The following TENM1 variants were observed in gnomAD, a reference collection of about 807,000 sequenced individuals.
TENM1 encodes teneurin-1.
TENM1 carries 35 observed loss-of-function variants against 174.8 expected under a neutral mutation model. The observed-to-expected ratio is 0.20, with a 90% CI of 0.15 to 0.27. The LOEUF is 0.27. TENM1 is among the 10% of genes least tolerant of loss of function. The probability of loss-of-function intolerance (pLI) is 1.00; values close to 1 mark genes in which losing one functional copy is unlikely to be tolerated. For missense variants in TENM1, 1,633 were observed against 2,130.1 expected (o/e 0.77, Z 4.59); for synonymous variants, 781 against 798.7 (o/e 0.98, Z 0.37).
intron 3 of TENM1, among the ~76,000 whole-genome samples, chrX:124,775,918 T>C (rs1340734166): frequency 1.8e-5 from 2 of 111,722 alleles, no homozygotes; most frequent in African/African-American, 3.3e-5. Context: ...TGGGGCCTAC[T>C]GTGGGAATTG....
chrX:125,092,539 C>T, the TENM1 span, among the ~76,000 whole-genome samples: 1 of 111,388 alleles, frequency 9.0e-6, no homozygotes, highest in East Asian at 2.8e-4. Flanking sequence ...TAAAATGCAA[C>T]AGTAGATGTG....
chrX:125,086,435 C>A, the TENM1 span, among the ~76,000 whole-genome samples: 1 of 110,629 alleles, frequency 9.0e-6, no homozygotes, highest in South Asian at 3.8e-4. Context: ...TTTTAATATT[C>A]AGACATCCTA....
intron 14 of TENM1, among the ~76,000 whole-genome samples, chrX:124,555,931 A>T (rs1430439007): frequency 8.9e-6 from 1 of 112,124 alleles, no homozygotes; most frequent in Non-Finnish European, 1.9e-5. Context: ...CTGAAAAATT[A>T]AAGTCAAGCA....
chrX:125,147,052 GTGTATATA>G, the TENM1 span, among the ~76,000 whole-genome samples: 4 of 108,608 alleles, frequency 3.7e-5, no homozygotes, highest in Non-Finnish European at 7.6e-5. Flanking sequence ...GTGTCTGTGT[GTGTATATA>G]TATCTTATTT....
intron 22 of TENM1, among the ~76,000 whole-genome samples, chrX:124,453,705 G>A (rs925596475): frequency 9.0e-6 from 1 of 111,599 alleles, no homozygotes; most frequent in Non-Finnish European, 1.9e-5. Flanking sequence ...AGTCACACGC[G>A]GAGATAAAGC....
At chrX:124,506,904 C>T (rs1028053151) in intron 18 of TENM1, among the ~76,000 whole-genome samples, 2 of 111,712 alleles carry the variant, frequency 1.8e-5, no homozygotes, top group Admixed American at 9.6e-5. Context: ...AAAGGTTACA[C>T]TGCAGCTGGC....
chrX:124,849,090 A>G (rs903155197), intron 3 of TENM1, among the ~76,000 whole-genome samples: 2 of 111,589 alleles, frequency 1.8e-5, no homozygotes, highest in African/African-American at 6.5e-5. Flanking sequence ...AGAGTCATAG[A>G]TTCAGGAAAA....
At chrX:124,893,575 G>A (rs2057510365) in intron 3 of TENM1, among the ~76,000 whole-genome samples, 1 of 111,879 alleles carries the variant, frequency 8.9e-6, no homozygotes, top group Admixed American at 9.5e-5. Context: ...ACTGCCCTGT[G>A]GTGGGATGCT....
chrX:124,852,968 G>T (rs1760257451), intron 3 of TENM1, among the ~76,000 whole-genome samples: 1 of 111,676 alleles, frequency 9.0e-6, no homozygotes, highest in Admixed American at 9.5e-5. Flanking sequence ...TCTCAACGAT[G>T]ATCTTTAGGA....
chrX:125,033,836 T>C, the TENM1 span, among the ~76,000 whole-genome samples: 3 of 111,858 alleles, frequency 2.7e-5, no homozygotes, highest in Non-Finnish European at 5.6e-5. Context: ...TAACCAAATG[T>C]TATTCATCTG....
At chrX:124,731,767 G>C (rs2053570407) in intron 4 of TENM1, among the ~76,000 whole-genome samples, 1 of 111,970 alleles carries the variant, frequency 8.9e-6, no homozygotes, top group South Asian at 3.7e-4. Context: ...ATGGTTATTA[G>C]ATTGGAAGAT....
chrX:124,861,120 C>T (rs113104281), intron 3 of TENM1, among the ~76,000 whole-genome samples: 5 of 112,186 alleles, frequency 4.5e-5, no homozygotes, highest in African/African-American at 1.6e-4. Context: ...TATCCTATAA[C>T]ATCCAGAAAT....
At chrX:124,710,805 G>GTGAACCA (rs1207289207) in intron 4 of TENM1, among the ~76,000 whole-genome samples, 1 of 112,091 alleles carries the variant, frequency 8.9e-6, no homozygotes, top group Admixed American at 9.5e-5. Flanking sequence ...GTACTTTGTT[G>GTGAACCA]TGAACCATGA....
chrX:124,772,426 T>C (rs1274689525), intron 3 of TENM1, among the ~76,000 whole-genome samples: 1 of 112,224 alleles, frequency 8.9e-6, no homozygotes, highest in Non-Finnish European at 1.9e-5. Context: ...TGAGCCACCG[T>C]TCCCTGTCCC....
At chrX:125,107,438 C>A in the TENM1 span, among the ~76,000 whole-genome samples, 1 of 112,238 alleles carries the variant, frequency 8.9e-6, no homozygotes, top group Non-Finnish European at 1.9e-5. Context: ...TAAAACACAA[C>A]ATTTATACTT....
chrX:124,481,536 T>C (rs1411276329), intron 22 of TENM1, among the ~76,000 whole-genome samples, 196 bp downstream of exon 25: 1 of 109,332 alleles, frequency 9.1e-6, no homozygotes, highest in African/African-American at 3.3e-5. Context: ...CTAATGAATA[T>C]TGGCTAAAAA....
intron 11 of TENM1, among the ~76,000 whole-genome samples, chrX:124,614,378 A>G (rs1280623564): frequency 1.8e-5 from 2 of 112,126 alleles, no homozygotes; most frequent in Non-Finnish European, 3.8e-5. Flanking sequence ...CATTGCACCT[A>G]AGAAGTTAAT....
At chrX:125,197,325 T>C in the TENM1 span, among the ~76,000 whole-genome samples, 1 of 111,783 alleles carries the variant, frequency 8.9e-6, no homozygotes, top group Non-Finnish European at 1.9e-5. Context: ...CCTGAATACT[T>C]ACAACACCTT....
At chrX:124,563,921 G>A (rs1456641127) in intron 12 of TENM1, 149 bp from the exon 16 acceptor site, 5 of 365,372 alleles carry the variant, frequency 1.4e-5, no homozygotes, top group Non-Finnish European at 2.4e-5. Context: ...TTGGGTACAT[G>A]GGCCTGTGTA....
Sources: allele counts gnomAD v4.1 joint callset (sites outside exome capture counted in the v4.1 genomes callset), GRCh38; gene constraint gnomAD v4.1.1; transcripts MANE v1.5; gene names NCBI Gene and HGNC (gene_info 2026-07-23, HGNC 2026-07-21).